GBP3: variants seen among roughly 807,000 people sequenced by gnomAD.
The protein encoded by GBP3 is guanylate-binding protein 3.
GBP3 carries 55 observed loss-of-function variants against 62.4 expected under a neutral mutation model. The observed-to-expected ratio is 0.88, with a 90% CI of 0.71 to 1.10. The LOEUF is 1.10. Ranked by LOEUF, GBP3 falls within the 50% of genes least tolerant of loss-of-function variation. The pLI is 0.00. For missense variants in GBP3, 605 were observed against 690.6 expected (o/e 0.88, Z 1.39); for synonymous variants, 208 against 259.2 (o/e 0.80, Z 1.90).
At chr1:89,009,608 C>T in intron 8 of GBP3, 114 bp from the exon 9 acceptor site, 1 of 1,465,272 alleles carries the variant, frequency 6.8e-7, no homozygotes, top group Non-Finnish European at 9.2e-7. Context: ...CCCTGGTGTG[C>T]CTGGTGGTCA....
Position 89,013,177 on chromosome 1 carries a change from G to T in GBP3, c.868+8C>A. 6.2e-7 allele frequency: 1 copy of T among 1,611,936 alleles called. No individual in the cohort carries two copies. Among genetic ancestry groups the T allele is most frequent in the South Asian group, 1.1e-5 (1 of 91,028 alleles). On this transcript the variant is annotated splice_region_variant and intron_variant, in intron 6 of 10. Transcript: ENST00000370481. ...ACAATGAGTGGAAGTACTACGAAGGGGACTTACGAGGCCCATTGACCTTGA... is the reference window on the plus strand; with the variant it reads ...ACAATGAGTGGAAGTACTACGAAGGTGACTTACGAGGCCCATTGACCTTGA...
At chr1:89,013,819 GA>G in intron 5 of GBP3, 1 of 446,602 alleles carries the variant, frequency 2.2e-6, no homozygotes, top group South Asian at 3.4e-5. Flanking sequence ...AGGAAAAAAT[GA>G]AAGAAAAAGA....
In GBP3 at chr1:89,011,053, A is replaced by G. The variant is rs773951791; in HGVS notation, c.1213T>C (p.Cys405Arg). ...AAAATGACCTGAAGTAAAGCTGAGC[A>G]ACGATCTGATGATGCTTCTTGATTC... is the stretch of plus-strand genomic sequence containing the variant. Reference protein sequence around the residue: ...KQNQEASSDRCSALLQVIFSP... With the variant: ...KQNQEASSDRRSALLQVIFSP... The change falls in exon 8 of 11, where the codon TGC (cysteine) becomes CGC (arginine). Residue 405 changes from cysteine to arginine, a missense_variant. By Grantham distance (180) the Cys-to-Arg change is radical. Around this residue, in one of 3 missense-constraint regions of GBP3, gnomAD observed 137 missense variants for 224.7 expected, o/e 0.61. Coordinates refer to ENST00000370481, the MANE Select transcript of GBP3 (RefSeq NM_018284.3). 30 of 1,462,146 alleles carry G rather than the reference A, an allele frequency of 2.1e-5. 8 individuals are homozygous for G. The highest frequency in any genetic ancestry group is 2.7e-5 in the Non-Finnish European group (28 of 1,055,156). The allele number at this position is 1,462,146 out of a possible 1,614,324, so 90.6% of individuals were successfully genotyped here. A position where few individuals can be genotyped will look rare whatever the true frequency, so the allele number is the denominator to read the frequency against.
At chr1:89,011,545 T>C (rs190265269) in intron 7 of GBP3, among the ~76,000 whole-genome samples, 1 of 139,864 alleles carries the variant, frequency 7.1e-6, no homozygotes, top group East Asian at 2.0e-4. Context: ...GGGAAGACCA[T>C]TTATTGATAA....
At chr1:89,012,337 G>C (rs1401827229) in intron 6 of GBP3, among the ~76,000 whole-genome samples, 1 of 139,094 alleles carries the variant, frequency 7.2e-6, no homozygotes, top group African/African-American at 2.5e-5. Context: ...CATCAGGAAA[G>C]GAACCCATAG....
chr1:89,022,602 C>T (rs1309246817), intron 1 of GBP3, 82 bp downstream of exon 1: 2 of 152,176 alleles, frequency 1.3e-5, no homozygotes, highest in African/African-American at 4.8e-5. Context: ...AATTCCTTCC[C>T]ATCCTTGCCA....
At chr1:89,021,539 CACACA>C (rs1557734690) in intron 1 of GBP3, among the ~76,000 whole-genome samples, 7 of 145,380 alleles carry the variant, frequency 4.8e-5, no homozygotes, top group South Asian at 4.6e-4. Context: ...CACACACACA[CACACA>C]CCCCAAAAAA....
Position 89,008,714 on chromosome 1 carries a change from A to C in GBP3, c.1659+233T>G. 3 of 673,500 alleles carry C rather than the reference A, an allele frequency of 4.5e-6. No homozygotes were observed. In the South Asian group the frequency reaches 6.2e-5, roughly 14 times the overall value. The allele number at this position is 673,500 out of a possible 1,614,324, so 41.7% of individuals were successfully genotyped here. On this transcript the variant is annotated intron_variant, in intron 10 of 10. Coordinates refer to ENST00000370481, the MANE Select transcript of GBP3 (RefSeq NM_018284.3). ...ATGATGCCTAGCATATGACAGCCGT[A>C]AGTGGAAGGATACACTAAAACGGGA... is the stretch of plus-strand genomic sequence containing the variant.
rs754848892 is a variant in GBP3, at chr1:89,011,093, A to G, written c.1173T>C (p.Asp391=). The G allele has an allele frequency of 6.8e-7, 1 of 1,462,244 alleles. No homozygotes were observed. Among genetic ancestry groups the G allele is most frequent in the Admixed American group, 1.8e-5 (1 of 56,020 alleles). The allele number at this position is 1,462,244 out of a possible 1,614,324, so 90.6% of individuals were successfully genotyped here. The change falls in exon 8 of 11, where the codon GAT becomes GAC. Residue 391 remains aspartate (D), a synonymous_variant. Coordinates refer to ENST00000370481, the MANE Select transcript of GBP3 (RefSeq NM_018284.3). ...CTTCTTGATTCTGTTTACAAAAGTC[A>G]TCCCGCTTTTTGTCTAGCTGGGCCT... ...KLAAQLDKKR[D]DFCKQNQEAS... is the part of the protein sequence containing the mutation.
Position 89,010,827 on chromosome 1 carries a change from A to C in GBP3, c.1362+77T>G. On this transcript the variant is annotated intron_variant, in intron 8 of 10. Transcript: ENST00000370481. Reference sequence around the variant, plus strand: ...CAGACAAAAAAGCACATCTGTGTGCAGTGAAGCTTGGTCACTTTGGTGTTC... The same window carrying C: ...CAGACAAAAAAGCACATCTGTGTGCCGTGAAGCTTGGTCACTTTGGTGTTC... 2.8e-6 allele frequency: 4 copies of C among 1,444,042 alleles called. 1 individual carries two copies. The highest frequency in any genetic ancestry group is 3.6e-5 in the Admixed American group (2 of 55,906). The allele number at this position is 1,444,042 out of a possible 1,614,324, so 89.5% of individuals were successfully genotyped here.
At chr1:89,010,674 G>A (rs1678505586) in intron 8 of GBP3, among the ~76,000 whole-genome samples, 1 of 139,056 alleles carries the variant, frequency 7.2e-6, no homozygotes, top group Admixed American at 7.4e-5. Context: ...TGCCCTCAAA[G>A]TGTTAGGATT....
chr1:89,008,867 G>A (rs769259607), intron 10 of GBP3, 80 bp downstream of exon 10: 30 of 1,600,920 alleles, frequency 1.9e-5, no homozygotes, highest in South Asian at 7.8e-5. Flanking sequence ...CTTTATGTTC[G>A]CTCTGCCATA....
At chr1:89,014,057 A>G (rs747309715) in intron 5 of GBP3, 26 bp downstream of exon 5, 51 of 1,607,478 alleles carry the variant, frequency 3.2e-5, no homozygotes, top group Middle Eastern at 3.3e-4. Flanking sequence ...TGTCGTCCTC[A>G]TTTATCAATG....
At chr1:89,021,318 A>G (rs1463686315) in intron 1 of GBP3, among the ~76,000 whole-genome samples, 2 of 152,168 alleles carry the variant, frequency 1.3e-5, no homozygotes, top group Non-Finnish European at 2.9e-5. Flanking sequence ...TGCAAATTCT[A>G]TACAACTACA....
chr1:89,008,468 C>T (rs1678361444), intron 10 of GBP3, among the ~76,000 whole-genome samples: 1 of 147,134 alleles, frequency 6.8e-6, no homozygotes, highest in African/African-American at 2.5e-5. Context: ...AGTCCTTCTG[C>T]TCATAAAAGT....
At chr1:89,020,891 A>G in intron 1 of GBP3, 148 bp from the exon 2 acceptor site, 4 of 634,996 alleles carry the variant, frequency 6.3e-6, no homozygotes, top group Non-Finnish European at 1.1e-5. Context: ...AAAATTATGG[A>G]AGTATTATCA....
chr1:89,021,933 C>G (rs1218539522), intron 1 of GBP3, among the ~76,000 whole-genome samples: 1 of 151,160 alleles, frequency 6.6e-6, no homozygotes, highest in Admixed American at 6.6e-5. Flanking sequence ...TCTAAGTCGT[C>G]TGAGTGCGTG....
At position 89,007,718 on chromosome 1, in the gene GBP3, T is replaced by C. The variant is rs1284517137; in HGVS notation, c.*6A>G. On this transcript the variant is annotated 3_prime_UTR_variant, in exon 11 of 11. Transcript: ENST00000370481. ...TTGGGTTAGGATGACAGAAAAGCTC[T>C]GTTGTTTAGATCTTTAGCTTATGCG... 2 of 1,608,160 alleles carry C rather than the reference T, an allele frequency of 1.2e-6. No homozygotes were observed. Among genetic ancestry groups the C allele is most frequent in the African/African-American group, 2.7e-5 (2 of 74,446 alleles).
chr1:89,007,859 A>T lies in GBP3; in HGVS notation c.1660-7T>A. The T allele has an allele frequency of 6.2e-7, 1 of 1,609,912 alleles. No homozygotes were observed. The highest frequency in any genetic ancestry group is 8.5e-7 in the Non-Finnish European group (1 of 1,178,524). On this transcript the variant is annotated splice_region_variant and splice_polypyrimidine_tract_variant and intron_variant, in intron 10 of 10. Transcript: ENST00000370481. ...TTAGTACTCGGGCCTGTTCCTAAAA[A>T]GGGACAAATGGAGGCTAAATAAGTG...
Sources: gnomAD v4.1 joint callset for allele counts (sites outside exome capture counted in the v4.1 genomes callset) on GRCh38, gnomAD v4.1.1 for gene constraint, gnomAD v4.1.1 regional missense constraint, MANE v1.5 for transcripts, NCBI Gene and HGNC (gene_info 2026-07-23, HGNC 2026-07-21) for gene names.